DGCR2: variants seen among roughly 807,000 people sequenced by gnomAD.
DGCR2 encodes integral membrane protein DGCR2/IDD.
DGCR2 carries 24 observed loss-of-function variants against 51.6 expected under a neutral mutation model. The ratio of observed to expected loss-of-function variants is 0.47; its 90% confidence interval spans 0.34 to 0.65. The LOEUF (loss-of-function observed/expected upper bound fraction) is 0.65, where lower values mean the gene tolerates loss of function less well. Ranked by LOEUF, DGCR2 falls within the 30% of genes least tolerant of loss-of-function variation. DGCR2 has a pLI of 0.01. For synonymous variants in DGCR2, 340 were observed against 315.4 expected, an observed-to-expected ratio of 1.08 and a Z score of -0.82; for missense variants, 765 against 772.1, an observed-to-expected ratio of 0.99 and a Z score of 0.11.
chr22:19,107,033 C>G (rs2083267326), intron 1 of DGCR2, among the ~76,000 whole-genome samples: 1 of 152,142 alleles, frequency 6.6e-6, no homozygotes, highest in Admixed American at 6.5e-5. Flanking sequence ...TGGCCAGTTA[C>G]TAGAACAAAA....
At chr22:19,089,204 T>C (rs1028934087) in intron 2 of DGCR2, among the ~76,000 whole-genome samples, 164 bp downstream of exon 2, 9 of 152,224 alleles carry the variant, frequency 5.9e-5, no homozygotes, top group African/African-American at 1.7e-4. Context: ...TGGGCACTTA[T>C]TTTTTAAAAA....
rs2082772452 is a variant in DGCR2, at chr22:19,068,197, A to G, written c.231T>C (p.His77=). ...PEVTGEVRPH[H]GKEAVDPRQG... ...GCCGCGGATCCACAGCCTCCTTCCC[A>G]TGATGAGGACGCACCTCCCCGGTCA... The change falls in exon 3 of 10, where the codon CAT becomes CAC. Residue 77 remains histidine (H), a synonymous_variant. Coordinates refer to ENST00000263196, the MANE Select transcript of DGCR2 (RefSeq NM_005137.3). 1.2e-6 allele frequency: 2 copies of G among 1,610,288 alleles called. No individual in the cohort carries two copies. Among genetic ancestry groups the G allele is most frequent in the Non-Finnish European group, 8.5e-7 (1 of 1,178,462 alleles).
Position 19,057,075 on chromosome 22 carries a change from C to A in DGCR2, c.713G>T (p.Cys238Phe). Residue 238 changes from cysteine (C) to phenylalanine (F), a missense_variant, in exon 6 of 10, where the codon TGC (cysteine) becomes TTC (phenylalanine). Physicochemically the swap from Cys to Phe is radical, Grantham distance 205. Transcript: ENST00000263196. This position sits in a 1 kb window ranked among gnomAD's most constrained non-coding sequence, Gnocchi z 5.1. ...GTGCCGCAGGGTGGGGAAATGGAAG[C>A]ACTGAAGCTGGGCACAGAACACGTT... ...NDNVFCAQLQ[C>F]FHFPTLRHHD... The A allele has an allele frequency of 6.2e-7, 1 of 1,603,706 alleles. No individual in the cohort carries two copies. Among genetic ancestry groups the A allele is most frequent in the East Asian group, 2.2e-5 (1 of 44,616 alleles).
Position 19,038,759 on chromosome 22 carries a change from T to G in DGCR2, c.*106A>C. Reference sequence around the variant, plus strand: ...CGAGCCCGCCAGTGACGTGCGGCAGTGCGTGGCGTCCAGGCTGGGACAGGG... The same window carrying G: ...CGAGCCCGCCAGTGACGTGCGGCAGGGCGTGGCGTCCAGGCTGGGACAGGG... On this transcript the variant is annotated 3_prime_UTR_variant, in exon 10 of 10. Transcript: ENST00000263196. 2 of 1,453,876 alleles carry G rather than the reference T, an allele frequency of 1.4e-6. No homozygotes were observed. The highest frequency in any genetic ancestry group is 1.9e-6 in the Non-Finnish European group (2 of 1,069,642). The allele number at this position is 1,453,876 out of a possible 1,614,324, so 90.1% of individuals were successfully genotyped here. A position where few individuals can be genotyped will look rare whatever the true frequency, so the allele number is the denominator to read the frequency against.
chr22:19,109,726 C>A (rs935392639), intron 1 of DGCR2, among the ~76,000 whole-genome samples: 1 of 152,126 alleles, frequency 6.6e-6, no homozygotes, highest in Non-Finnish European at 1.5e-5. Context: ...TCTGGCACTA[C>A]TGAACACTGA....
At chr22:19,073,854 T>C (rs540643865) in intron 2 of DGCR2, among the ~76,000 whole-genome samples, 1 of 152,180 alleles carries the variant, frequency 6.6e-6, no homozygotes, top group South Asian at 2.1e-4. Context: ...ACAGGAAAGA[T>C]ATAAAAACCA....
chr22:19,051,345 T>C (rs1010833142), intron 6 of DGCR2, among the ~76,000 whole-genome samples: 2 of 151,948 alleles, frequency 1.3e-5, no homozygotes, highest in African/African-American at 4.8e-5. Context: ...CTGAAGAGGA[T>C]GAAGGCAAGC....
intron 7 of DGCR2, among the ~76,000 whole-genome samples, chr22:19,043,983 C>G (rs2082461051): frequency 1.3e-5 from 2 of 152,238 alleles, no homozygotes; most frequent in African/African-American, 4.8e-5. Flanking sequence ...GCACTGTCAT[C>G]AGTGGGAGAA....
intron 4 of DGCR2, among the ~76,000 whole-genome samples, chr22:19,063,820 G>A (rs1341289384): frequency 6.6e-6 from 1 of 152,098 alleles, no homozygotes. Flanking sequence ...CTTATTCTTG[G>A]TAGACATGAA....
rs1286247248 is a variant in DGCR2, at chr22:19,057,673, A to G, written c.626-511T>C. On this transcript the variant is annotated intron_variant, in intron 5 of 9. Coordinates refer to ENST00000263196, the MANE Select transcript of DGCR2 (RefSeq NM_005137.3). The surrounding 1 kb of genome is among the most constrained non-coding windows in gnomAD (Gnocchi z 5.1). ...AGCATTGGCACTGGCCGGCACTGCC[A>G]GCAGCTGGCTGCAGGGAACACTTAG... Among the ~76,000 whole-genome samples, 8 of 152,216 alleles carry G rather than the reference A, an allele frequency of 5.3e-5. No individual in the cohort carries two copies. The highest frequency in any genetic ancestry group is 1.9e-4 in the African/African-American group (8 of 41,458).
Position 19,112,945 on chromosome 22 carries a change from G to A in DGCR2, c.79+9183C>T, listed in dbSNP as rs1016037493. Among the ~76,000 whole-genome samples the A allele has an allele frequency of 1.5e-4, 22 of 144,576 alleles. 2 individuals carry two copies. Among genetic ancestry groups the A allele is most frequent in the Non-Finnish European group, 3.1e-4 (20 of 65,020 alleles). 94.8% of individuals were successfully genotyped at this position (144,576 alleles called of 152,430 possible). ...CAGTACTTCTGAAACTATTCTGGGTGCAGTGTAAGACTAAGCAAATGAGTA... is the reference window on the plus strand; with the variant it reads ...CAGTACTTCTGAAACTATTCTGGGTACAGTGTAAGACTAAGCAAATGAGTA... On this transcript the variant is annotated intron_variant, in intron 1 of 9. Coordinates refer to ENST00000263196, the MANE Select transcript of DGCR2 (RefSeq NM_005137.3).
intron 2 of DGCR2, among the ~76,000 whole-genome samples, chr22:19,082,439 T>G (rs894020358): frequency 6.6e-6 from 1 of 152,012 alleles, no homozygotes; most frequent in Non-Finnish European, 1.5e-5. Flanking sequence ...GTGAATATTT[T>G]ATGTGATTAA....
At chr22:19,062,779 A>ATTCATTCTCTCTCTCTCTCTCTCTCT in intron 5 of DGCR2, among the ~76,000 whole-genome samples, 15 of 127,354 alleles carry the variant, frequency 1.2e-4, no homozygotes, top group Non-Finnish European at 2.2e-4. Context: ...ATGCATGCTC[A>ATTCATTCTCTCTCTCTCTCTCTCTCT]CTCTCTCTCT....
intron 1 of DGCR2, among the ~76,000 whole-genome samples, chr22:19,094,071 T>C (rs550523296): frequency 7.9e-5 from 12 of 152,280 alleles, no homozygotes; most frequent in African/African-American, 2.2e-4. Context: ...GGAAGATATA[T>C]ACAGATGGCT....
In DGCR2 at chr22:19,041,966, G is replaced by T; in HGVS notation, c.1007-7C>A. ...TCAAACAGACTGTTGCCATCTGAGG[G>T]GGAGGGGAGGAAATGGCCGCTCTGA... On this transcript the variant is annotated splice_polypyrimidine_tract_variant and splice_region_variant and intron_variant, in intron 7 of 9. Coordinates refer to ENST00000263196, the MANE Select transcript of DGCR2 (RefSeq NM_005137.3). 1.2e-6 allele frequency: 2 copies of T among 1,611,350 alleles called. No homozygotes were observed. Among genetic ancestry groups the T allele is most frequent in the Non-Finnish European group, 1.7e-6 (2 of 1,179,090 alleles).
chr22:19,108,569 TA>T (rs55803042), intron 1 of DGCR2, among the ~76,000 whole-genome samples: 42 of 90,680 alleles, frequency 4.6e-4, no homozygotes, highest in East Asian at 2.0e-3. Context: ...AGAATTTATC[TA>T]AAAAAAAAAA....
chr22:19,069,790 T>C (rs2082793191), intron 2 of DGCR2, among the ~76,000 whole-genome samples: 1 of 152,204 alleles, frequency 6.6e-6, no homozygotes, highest in Non-Finnish European at 1.5e-5. Context: ...TTTCTGAGAC[T>C]CTGGATACTC....
rs142865133 is a variant in DGCR2 at position 19,109,809 on chromosome 22, G to A, written c.79+12319C>T. Reference sequence around the variant, plus strand: ...ATTAAAAAAAAACTGCGGTAGCAGTGGAGCCGCCTAACCCTGAAAAGCACA... The same window carrying A: ...ATTAAAAAAAAACTGCGGTAGCAGTAGAGCCGCCTAACCCTGAAAAGCACA... On this transcript the variant is annotated intron_variant, in intron 1 of 9. Coordinates refer to ENST00000263196, the MANE Select transcript of DGCR2 (RefSeq NM_005137.3). 7.7e-3 allele frequency among the ~76,000 whole-genome samples: 1,173 copies of A among 152,308 alleles called. 10 individuals carry two copies. Among genetic ancestry groups the A allele is most frequent in the African/African-American group, 0.025 (1,027 of 41,552 alleles).
intron 2 of DGCR2, among the ~76,000 whole-genome samples, chr22:19,074,536 G>A (rs1307148329): frequency 6.6e-6 from 1 of 152,104 alleles, no homozygotes; most frequent in Non-Finnish European, 1.5e-5. Flanking sequence ...ACAGGGCCCA[G>A]ACTCACCCAC....
Sources: gnomAD v4.1 joint callset for allele counts (sites outside exome capture counted in the v4.1 genomes callset) on GRCh38, gnomAD v4.1.1 for gene constraint, Gnocchi (gnomAD v3.1) non-coding constraint, MANE v1.5 for transcripts, NCBI Gene and HGNC (gene_info 2026-07-23, HGNC 2026-07-21) for gene names.